CSMD1: variants seen among roughly 807,000 people sequenced by gnomAD.
CSMD1 encodes CUB and sushi domain-containing protein 1.
In CSMD1, 213 loss-of-function variants were observed where a neutral mutation model predicts 417.5. The observed-to-expected ratio is 0.51, with a 90% CI of 0.46 to 0.57. The LOEUF is 0.57. Among genes scored for constraint, CSMD1 ranks in the 20% least tolerant of loss-of-function variants. The pLI, the probability that CSMD1 is intolerant of heterozygous loss-of-function variation, is 0.00. For synonymous variants in CSMD1, 2,862 were observed against 1,736.8 expected, an observed-to-expected ratio of 1.65 and a Z score of -16.11; for missense variants, 6,923 against 4,529.7, an observed-to-expected ratio of 1.53 and a Z score of -15.17.
intron 5 of CSMD1, among the ~76,000 whole-genome samples, chr8:3,978,953 C>G (rs1402071506): frequency 1.3e-5 from 2 of 152,198 alleles, no homozygotes; most frequent in Non-Finnish European, 2.9e-5. Context: ...ACAGGTTCCA[C>G]TGTTTTTACA....
Position 4,535,972 on chromosome 8 carries a change from G to C in CSMD1, c.302+101370C>G, listed in dbSNP as rs189797748. On this transcript the variant is annotated intron_variant, in intron 2 of 69. Transcript: ENST00000635120. ...CTTAACAATGTTGATGTAATTATTTGTTTTATCTTAAAATAAATAAAAGTT... is the reference window on the plus strand; with the variant it reads ...CTTAACAATGTTGATGTAATTATTTCTTTTATCTTAAAATAAATAAAAGTT... Among the ~76,000 whole-genome samples, 429 of 151,106 alleles carry C rather than the reference G, an allele frequency of 2.8e-3. 2 individuals carry two copies. Among genetic ancestry groups the C allele is most frequent in the Middle Eastern group, 6.9e-3 (2 of 288 alleles).
At chr8:3,979,229 A>G (rs966112048) in intron 5 of CSMD1, among the ~76,000 whole-genome samples, 2 of 152,184 alleles carry the variant, frequency 1.3e-5, no homozygotes, top group Admixed American at 1.3e-4. Flanking sequence ...AGGAAGTTTT[A>G]GGCCAGGAAA....
At chr8:4,513,230 G>T (rs1374087804) in intron 2 of CSMD1, among the ~76,000 whole-genome samples, 2 of 152,122 alleles carry the variant, frequency 1.3e-5, no homozygotes, top group Non-Finnish European at 2.9e-5. Context: ...GATAATAAAG[G>T]AGATCCTGTA....
intron 23 of CSMD1, among the ~76,000 whole-genome samples, chr8:3,315,955 G>T (rs62504449): frequency 0.1 from 15,876 of 152,074 alleles, 997 homozygotes; most frequent in Non-Finnish European, 0.14. Flanking sequence ...CTTCCAGCAG[G>T]TCAAATAGTT....
intron 23 of CSMD1, among the ~76,000 whole-genome samples, chr8:3,333,060 A>G (rs551461404): frequency 6.6e-6 from 1 of 152,320 alleles, no homozygotes; most frequent in South Asian, 2.1e-4. Context: ...CCCTGCCCAG[A>G]GAAGACCACA....
Position 4,698,147 on chromosome 8 carries a change from T to C in CSMD1, c.86-60589A>G, listed in dbSNP as rs916050421. On this transcript the variant is annotated intron_variant, in intron 1 of 69. Coordinates refer to ENST00000635120, the MANE Select transcript of CSMD1 (RefSeq NM_033225.6). ...CTTTGAATACTGGGTTTTTTTTTTT[T>C]TTTTGGAATTGAACATAATATTATA... 2.4e-4 allele frequency among the ~76,000 whole-genome samples: 36 copies of C among 152,064 alleles called. 1 individual carries two copies. The highest frequency in any genetic ancestry group is 8.3e-4 in the South Asian group (4 of 4,820).
intron 10 of CSMD1, among the ~76,000 whole-genome samples, chr8:3,523,075 G>C (rs945515196): frequency 6.6e-6 from 1 of 150,648 alleles, no homozygotes; most frequent in Non-Finnish European, 1.5e-5. Flanking sequence ...ATTGAATTCA[G>C]GTCTCTAACT....
intron 51 of CSMD1, among the ~76,000 whole-genome samples, chr8:3,023,685 T>C (rs1809624503): frequency 6.6e-6 from 1 of 152,082 alleles, no homozygotes; most frequent in Admixed American, 6.5e-5. Flanking sequence ...TCCACAGTTG[T>C]CATGAATGTG....
chr8:4,161,344 C>G (rs765486316), intron 3 of CSMD1, among the ~76,000 whole-genome samples: 1 of 152,222 alleles, frequency 6.6e-6, no homozygotes, highest in Non-Finnish European at 1.5e-5. Flanking sequence ...AAATCCCGGT[C>G]TCTTTGACTG....
intron 1 of CSMD1, among the ~76,000 whole-genome samples, chr8:4,872,044 A>G (rs1405181508): frequency 1.3e-5 from 2 of 152,116 alleles, no homozygotes; most frequent in East Asian, 3.8e-4. Context: ...CCTGCAGACA[A>G]TATTAATAAA....
At chr8:3,965,549 G>A (rs961914214) in intron 5 of CSMD1, among the ~76,000 whole-genome samples, 5 of 152,146 alleles carry the variant, frequency 3.3e-5, no homozygotes, top group Non-Finnish European at 7.3e-5. Context: ...ACTAGGTCAG[G>A]AAAGAGAGGT....
intron 4 of CSMD1, among the ~76,000 whole-genome samples, chr8:4,018,511 C>T (rs990816643): frequency 6.6e-6 from 1 of 152,142 alleles, no homozygotes; most frequent in Non-Finnish European, 1.5e-5. Flanking sequence ...GCAGCCAAAG[C>T]CCAGCAGCTT....
At chr8:3,268,903 C>A (rs1419046035) in intron 26 of CSMD1, among the ~76,000 whole-genome samples, 1 of 152,036 alleles carries the variant, frequency 6.6e-6, no homozygotes, top group East Asian at 1.9e-4. Flanking sequence ...AGAAAGGTGG[C>A]CATAAGTGAT....
chr8:3,800,278 G>C (rs1383948), intron 5 of CSMD1, among the ~76,000 whole-genome samples: 55,879 of 151,956 alleles, frequency 0.37, 10,514 homozygotes, highest in East Asian at 0.48. Flanking sequence ...AATACAAGAA[G>C]TTTAATGCCA....
At chr8:3,249,550 G>T (rs181065170) in intron 26 of CSMD1, among the ~76,000 whole-genome samples, 235 of 152,150 alleles carry the variant, frequency 1.5e-3, no homozygotes, top group Non-Finnish European at 2.7e-3. Flanking sequence ...ATAAAAGCAA[G>T]TAACTCAAAT....
At chr8:4,728,909 T>C (rs1026626079) in intron 1 of CSMD1, among the ~76,000 whole-genome samples, 2 of 152,154 alleles carry the variant, frequency 1.3e-5, no homozygotes, top group African/African-American at 2.4e-5. Context: ...GAATTTGTCT[T>C]TGAGCATTAC....
chr8:3,928,793 G>A (rs1341992474), intron 5 of CSMD1, among the ~76,000 whole-genome samples: 1 of 50,554 alleles, frequency 2.0e-5, no homozygotes, highest in Non-Finnish European at 4.3e-5. Flanking sequence ...CCCACCCCCG[G>A]GCCAGTTCTA....
chr8:2,993,111 T>G (rs1014663043), intron 54 of CSMD1, among the ~76,000 whole-genome samples: 1 of 152,206 alleles, frequency 6.6e-6, no homozygotes, highest in Non-Finnish European at 1.5e-5. Context: ...ATCCAGTACT[T>G]GTGAATCCCA....
intron 3 of CSMD1, among the ~76,000 whole-genome samples, chr8:4,233,939 G>C (rs2202390): frequency 0.01 from 1,541 of 149,142 alleles, 26 homozygotes; most frequent in African/African-American, 0.035. Flanking sequence ...AATGAGGTGA[G>C]ACTAATGCAT....
Sources: allele counts gnomAD v4.1 joint callset (sites outside exome capture counted in the v4.1 genomes callset), GRCh38; gene constraint gnomAD v4.1.1; transcripts MANE v1.5; gene names NCBI Gene and HGNC (gene_info 2026-07-23, HGNC 2026-07-21).